BBOX1: variants seen among roughly 807,000 people sequenced by gnomAD.
BBOX1 encodes gamma-butyrobetaine hydroxylase 1.
A neutral mutation model predicts 41.6 loss-of-function variants in BBOX1; 35 were observed. The observed-to-expected ratio is 0.84, with a 90% CI of 0.64 to 1.11. The LOEUF (loss-of-function observed/expected upper bound fraction) is 1.11, where lower values mean the gene tolerates loss of function less well. BBOX1 is among the 50% of genes most tolerant of loss of function. The pLI is 0.00. For missense variants in BBOX1, 458 were observed against 460.6 expected, an observed-to-expected ratio of 0.99 and a Z score of 0.05; for synonymous variants, 163 against 154.7, an observed-to-expected ratio of 1.05 and a Z score of -0.40.
intron 5 of BBOX1, among the ~76,000 whole-genome samples, chr11:27,114,300 C>A (rs1352653093): frequency 6.6e-6 from 1 of 151,732 alleles, no homozygotes; most frequent in Non-Finnish European, 1.5e-5. Flanking sequence ...GATTGGAAGG[C>A]ATAAAATTGT....
At chr11:27,048,053 T>C (rs746257671) in intron 2 of BBOX1, among the ~76,000 whole-genome samples, 4 of 152,156 alleles carry the variant, frequency 2.6e-5, no homozygotes, top group Non-Finnish European at 5.9e-5. Flanking sequence ...GTGAAATAAT[T>C]ACCACAATCA....
chr11:27,067,281 T>C (rs1034342522), intron 4 of BBOX1, among the ~76,000 whole-genome samples: 3 of 152,176 alleles, frequency 2.0e-5, no homozygotes, highest in African/African-American at 7.2e-5. Flanking sequence ...CATAAATGAA[T>C]AGCACAGTGG....
At chr11:27,109,596 T>C (rs1418626845) in intron 5 of BBOX1, among the ~76,000 whole-genome samples, 1 of 152,054 alleles carries the variant, frequency 6.6e-6, no homozygotes, top group East Asian at 1.9e-4. Context: ...GGAAAGTGTG[T>C]AGTGCTAAAA....
At chr11:27,103,636 G>A (rs1021984970) in intron 5 of BBOX1, among the ~76,000 whole-genome samples, 3 of 151,386 alleles carry the variant, frequency 2.0e-5, no homozygotes, top group African/African-American at 7.3e-5. Flanking sequence ...TTCTGATGTA[G>A]GTTATTCTTT....
At chr11:27,082,486 A>G (rs1478282101) in intron 4 of BBOX1, among the ~76,000 whole-genome samples, 1 of 152,106 alleles carries the variant, frequency 6.6e-6, no homozygotes, top group East Asian at 1.9e-4. Flanking sequence ...AGTCTGGGAT[A>G]ATAATCTTTC....
In BBOX1 at chr11:27,093,365, G is replaced by A; in HGVS notation, c.532G>A (p.Gly178Arg). The change falls in exon 5 of 9, where the codon GGA (glycine) becomes AGA (arginine). Residue 178 changes from glycine to arginine, a missense_variant and splice_region_variant. Transcript: ENST00000263182. ...GGGTTTCCTCTATCTCACATTTTAT[G>A]GGTGAGTCACCAAATGGTTTGTATT... ...RMGFLYLTFY[G>R]HTWQVQDKID... 1 of 1,611,862 alleles carries A rather than the reference G, an allele frequency of 6.2e-7. No individual in the cohort carries two copies. The highest frequency in any genetic ancestry group is 8.5e-7 in the Non-Finnish European group (1 of 1,178,670).
At chr11:27,118,924 C>CAA (rs11396790) in intron 6 of BBOX1, among the ~76,000 whole-genome samples, 2,649 of 139,076 alleles carry the variant, frequency 0.019, 66 homozygotes, top group African/African-American at 0.058. Flanking sequence ...GTTCCTTCCT[C>CAA]AAAAAAAAAA....
At chr11:27,058,863 T>C (rs1314162159) in intron 4 of BBOX1, among the ~76,000 whole-genome samples, 10 of 151,996 alleles carry the variant, frequency 6.6e-5, no homozygotes, top group Non-Finnish European at 1.5e-4. Context: ...GAAAGCAGAG[T>C]GTAAAAGTTT....
At chr11:27,075,536 A>G (rs1167236597) in intron 4 of BBOX1, among the ~76,000 whole-genome samples, 1 of 152,076 alleles carries the variant, frequency 6.6e-6, no homozygotes, top group Non-Finnish European at 1.5e-5. Context: ...ATGCACTGAG[A>G]TCTTACCAGG....
At chr11:27,066,205 T>C (rs1342476138) in intron 4 of BBOX1, among the ~76,000 whole-genome samples, 4 of 152,162 alleles carry the variant, frequency 2.6e-5, no homozygotes, top group Non-Finnish European at 5.9e-5. Flanking sequence ...TGTGTTTTTG[T>C]GTGTGTGGTT....
chr11:27,082,539 C>A (rs550339355), intron 4 of BBOX1, among the ~76,000 whole-genome samples: 3 of 152,218 alleles, frequency 2.0e-5, no homozygotes, highest in African/African-American at 4.8e-5. Flanking sequence ...ACCATACAAC[C>A]CTTTTCCCAT....
chr11:27,109,359 T>C (rs913347525), intron 5 of BBOX1, among the ~76,000 whole-genome samples: 1 of 152,054 alleles, frequency 6.6e-6, no homozygotes, highest in Admixed American at 6.6e-5. Context: ...TTTCCAAATA[T>C]ATAAATTGAG....
intron 4 of BBOX1, among the ~76,000 whole-genome samples, chr11:27,075,704 T>G (rs1857608900): frequency 6.6e-6 from 1 of 152,174 alleles, no homozygotes; most frequent in Non-Finnish European, 1.5e-5. Flanking sequence ...ATATTCCAAG[T>G]AGAGACGAAT....
intron 4 of BBOX1, among the ~76,000 whole-genome samples, chr11:27,083,426 C>T (rs1857924404): frequency 6.6e-6 from 1 of 152,092 alleles, no homozygotes; most frequent in Non-Finnish European, 1.5e-5. Context: ...CTGGTACACG[C>T]CCTCTTGCCC....
intron 5 of BBOX1, among the ~76,000 whole-genome samples, chr11:27,105,637 G>A (rs1265237268): frequency 2.0e-5 from 3 of 152,094 alleles, no homozygotes; most frequent in Non-Finnish European, 4.4e-5. Context: ...TGAAAGTGAC[G>A]GGGAGAATGG....
chr11:27,122,924 G>A (rs1178055827), intron 7 of BBOX1, among the ~76,000 whole-genome samples: 1 of 151,818 alleles, frequency 6.6e-6, no homozygotes, highest in Non-Finnish European at 1.5e-5. Flanking sequence ...CCCATCTTTT[G>A]TGGCTTTTTA....
In BBOX1 at chr11:27,115,501, A is replaced by C; in HGVS notation, c.583A>C (p.Thr195Pro). ...DKIDANNVAY[T>P]TGKLSFHTDY... is the part of the protein sequence containing the mutation. ...AATCGATGCAAACAATGTGGCTTAC[A>C]CAACTGGGAAGCTAAGCTTTCACAC... Residue 195 changes from threonine (T) to proline (P), a missense_variant, in exon 6 of 9, where the codon ACA becomes CCA. By Grantham distance (38) the Thr-to-Pro change is conservative. Coordinates refer to ENST00000263182, the MANE Select transcript of BBOX1 (RefSeq NM_003986.3). 6.2e-7 allele frequency: 1 copy of C among 1,611,412 alleles called. No homozygotes were observed. The highest frequency in any genetic ancestry group is 8.5e-7 in the Non-Finnish European group (1 of 1,178,242).
chr11:27,104,006 C>T (rs920158822), intron 5 of BBOX1, among the ~76,000 whole-genome samples: 4 of 152,112 alleles, frequency 2.6e-5, no homozygotes, highest in South Asian at 2.1e-4. Flanking sequence ...CCTTCTAGTT[C>T]GTCTCCTTCA....
chr11:27,127,100 C>G (rs1435714285), intron 8 of BBOX1, among the ~76,000 whole-genome samples, 193 bp from the exon 9 acceptor site: 1 of 152,092 alleles, frequency 6.6e-6, no homozygotes, highest in Non-Finnish European at 1.5e-5. Context: ...GTTTAATTGT[C>G]ATAAGGTCTA....
Sources: gnomAD v4.1 joint callset for allele counts (sites outside exome capture counted in the v4.1 genomes callset) on GRCh38, gnomAD v4.1.1 for gene constraint, MANE v1.5 for transcripts, NCBI Gene and HGNC (gene_info 2026-07-23, HGNC 2026-07-21) for gene names.